The following NSD3 variants were observed in gnomAD, a reference collection of about 807,000 sequenced individuals.
NSD3 encodes histone-lysine N-methyltransferase NSD3.
NSD3 carries 24 observed loss-of-function variants against 160.8 expected under a neutral mutation model. That is an observed-to-expected ratio of 0.15 (90% CI 0.11 to 0.21). The LOEUF (loss-of-function observed/expected upper bound fraction) is 0.21, where lower values mean the gene tolerates loss of function less well. Among genes scored for constraint, NSD3 ranks in the 10% least tolerant of loss-of-function variants. The pLI is 1.00. For synonymous variants in NSD3, 520 were observed against 600.0 expected (o/e 0.87, Z 1.95); for missense variants, 1,157 against 1,735.9 (o/e 0.67, Z 5.93).
intron 16 of NSD3, among the ~76,000 whole-genome samples, chr8:38,291,599 A>T (rs1157901345): frequency 6.6e-6 from 1 of 152,260 alleles, no homozygotes; most frequent in Non-Finnish European, 1.5e-5. Context: ...TCATCTAAGA[A>T]TTGAAAACAT....
chr8:38,361,993 C>T (rs938678640), intron 1 of NSD3, among the ~76,000 whole-genome samples: 9 of 151,898 alleles, frequency 5.9e-5, no homozygotes, highest in African/African-American at 2.2e-4. Flanking sequence ...TTCTTGGCTT[C>T]TTAATATCAC....
chr8:38,369,980 C>T (rs753681218), intron 1 of NSD3, among the ~76,000 whole-genome samples: 3 of 151,960 alleles, frequency 2.0e-5, no homozygotes, highest in Non-Finnish European at 2.9e-5. Context: ...TTTTAGTAGA[C>T]ATGGGGTTTC....
rs777879948 is a variant in NSD3, at chr8:38,329,719, T to C, written c.1240A>G (p.Thr414Ala). The C allele has an allele frequency of 6.2e-7, 1 of 1,614,090 alleles. No individual in the cohort carries two copies. The highest frequency in any genetic ancestry group is 1.1e-5 in the South Asian group (1 of 91,074). The change falls in exon 6 of 24, where the codon ACC becomes GCC. Residue 414 changes from threonine (T) to alanine (A), a missense_variant. Physicochemically the swap from Thr to Ala is moderately conservative, Grantham distance 58. Coordinates refer to ENST00000317025, the MANE Select transcript of NSD3 (RefSeq NM_023034.2). This position sits in a 1 kb window ranked among gnomAD's most constrained non-coding sequence, Gnocchi z 4.8. ...GGTCGTCGGGTTTTTTTAACTTCGG[T>C]TTTGGAGGCAACACTCTTTTTTGCT... is the stretch of plus-strand genomic sequence containing the variant. Reference protein sequence around the residue: ...SQAKKSVASKTEVKKTRRPRS... With the variant: ...SQAKKSVASKAEVKKTRRPRS...
At chr8:38,370,846 G>T (rs1338522303) in intron 1 of NSD3, among the ~76,000 whole-genome samples, 1 of 152,050 alleles carries the variant, frequency 6.6e-6, no homozygotes, top group African/African-American at 2.4e-5. Context: ...TCTTTCAAGA[G>T]AACAGTTTGG....
At chr8:38,374,327 T>C (rs1811334708) in intron 1 of NSD3, among the ~76,000 whole-genome samples, 1 of 152,126 alleles carries the variant, frequency 6.6e-6, no homozygotes, top group Admixed American at 6.5e-5. Context: ...AATATGTATA[T>C]AACTTACACC....
intron 4 of NSD3, 45 bp from the exon 5 acceptor site, chr8:38,331,630 C>CACA: frequency 6.3e-7 from 1 of 1,597,080 alleles, no homozygotes; most frequent in Non-Finnish European, 8.5e-7. Context: ...CATAAGCATT[C>CACA]ACATCTACTT....
At chr8:38,306,688 A>G (rs1162163093) in intron 12 of NSD3, among the ~76,000 whole-genome samples, 1 of 152,238 alleles carries the variant, frequency 6.6e-6, no homozygotes, top group Non-Finnish European at 1.5e-5. Flanking sequence ...GAAAAAAACC[A>G]AAGCAGCCTA....
intron 1 of NSD3, among the ~76,000 whole-genome samples, chr8:38,365,034 C>T (rs1458026337): frequency 6.6e-6 from 1 of 152,188 alleles, no homozygotes; most frequent in Non-Finnish European, 1.5e-5. Flanking sequence ...CAAAAACTGA[C>T]CACGGAAATA....
At chr8:38,381,131 C>G (rs1055189654) in intron 1 of NSD3, among the ~76,000 whole-genome samples, 1 of 152,118 alleles carries the variant, frequency 6.6e-6, no homozygotes, top group African/African-American at 2.4e-5. Flanking sequence ...CCATCCCCTT[C>G]TCTTCCTCCC....
chr8:38,333,851 G>A (rs1810135563), intron 4 of NSD3, among the ~76,000 whole-genome samples: 1 of 152,010 alleles, frequency 6.6e-6, no homozygotes, highest in Non-Finnish European at 1.5e-5. Flanking sequence ...TCCGGCCTGG[G>A]CGACAGAGCG....
rs1180906808 is a variant in NSD3, at chr8:38,316,795, G to A, written c.1856-753C>T. The A allele has an allele frequency of 4.7e-6, 5 of 1,060,590 alleles. No individual in the cohort carries two copies. The highest frequency in any genetic ancestry group is 5.7e-6 in the Non-Finnish European group (5 of 876,238). The allele number at this position is 1,060,590 out of a possible 1,614,324, so 65.7% of individuals were successfully genotyped here. A position where few individuals can be genotyped will look rare whatever the true frequency, so the allele number is the denominator to read the frequency against. The stretch of plus-strand genomic sequence containing the variant: ...AAATAAATAGGAAAAAAAAGGCAGA[G>A]AATAGTGTGGAATTGTTTTTTTTAA... On this transcript the variant is annotated intron_variant, in intron 9 of 23. Coordinates refer to ENST00000317025, the MANE Select transcript of NSD3 (RefSeq NM_023034.2). This position sits in a 1 kb window ranked among gnomAD's most constrained non-coding sequence, Gnocchi z 4.5.
rs1277336275 is a variant in NSD3, at chr8:38,278,341, C to T, written c.3832G>A (p.Asp1278Asn). 6.2e-7 allele frequency: 1 copy of T among 1,614,092 alleles called. No individual in the cohort carries two copies. Among genetic ancestry groups the T allele is most frequent in the South Asian group, 1.1e-5 (1 of 91,052 alleles). ...ACTCCTAGAAAACCACTGCAGTTAT[C>T]TGCTCCACAGTGGCACTCCGTTCTG... The part of the protein sequence containing the change: ...NGRTECHCGA[D>N]NCSGFLGVRP... Residue 1278 changes from aspartate (D) to asparagine (N), a missense_variant, in exon 22 of 24, where the codon GAT becomes AAT. Physicochemically the swap from Asp to Asn is conservative, Grantham distance 23. This residue lies in a region of NSD3 where 222 missense variants were observed against 409.9 expected (regional missense o/e 0.54). Coordinates refer to ENST00000317025, the MANE Select transcript of NSD3 (RefSeq NM_023034.2).
rs750967878 is a variant in NSD3 at position 38,288,012 on chromosome 8, T to C, written c.3501+475A>G. Among the ~76,000 whole-genome samples the C allele has an allele frequency of 1.3e-5, 2 of 151,938 alleles. No individual in the cohort carries two copies. Among genetic ancestry groups the C allele is most frequent in the South Asian group, 2.1e-4 (1 of 4,828 alleles). On this transcript the variant is annotated intron_variant, in intron 19 of 23. Coordinates refer to ENST00000317025, the MANE Select transcript of NSD3 (RefSeq NM_023034.2). The surrounding 1 kb of genome is among the most constrained non-coding windows in gnomAD (Gnocchi z 4.5). The stretch of plus-strand genomic sequence containing the variant: ...ACTGTGGGAGGCCAAGGCAGGAGAA[T>C]TGCTTGAGTCCAGGAGTTTGAGACC...
chr8:38,288,074 C>A lies in NSD3; in HGVS notation c.3501+413G>T, dbSNP rs548941453. Reference sequence around the variant, plus strand: ...TGTAGTGAGACCCTATCCAGCTACTCGGGAGGCTGAAGTGGGAGGATCTCT... The same window carrying A: ...TGTAGTGAGACCCTATCCAGCTACTAGGGAGGCTGAAGTGGGAGGATCTCT... On this transcript the variant is annotated intron_variant, in intron 19 of 23. Transcript: ENST00000317025. This position sits in a 1 kb window ranked among gnomAD's most constrained non-coding sequence, Gnocchi z 4.5. 6.6e-6 allele frequency among the ~76,000 whole-genome samples: 1 copy of A among 151,894 alleles called. No homozygotes were observed. The highest frequency in any genetic ancestry group is 1.5e-5 in the Non-Finnish European group (1 of 67,974).
chr8:38,340,372 C>T (rs1810332339), intron 2 of NSD3, among the ~76,000 whole-genome samples: 1 of 152,116 alleles, frequency 6.6e-6, no homozygotes, highest in African/African-American at 2.4e-5. Context: ...TCTTACTCTG[C>T]TGTTGCCTAG....
At chr8:38,301,938 T>C (rs1212773942) in intron 14 of NSD3, among the ~76,000 whole-genome samples, 2 of 152,208 alleles carry the variant, frequency 1.3e-5, no homozygotes, top group Non-Finnish European at 2.9e-5. Context: ...GCATAGAATG[T>C]TAAGTAACTT....
intron 2 of NSD3, among the ~76,000 whole-genome samples, chr8:38,345,976 T>C (rs1810513258): frequency 6.6e-6 from 1 of 151,990 alleles, no homozygotes; most frequent in South Asian, 2.1e-4. Context: ...ACTGAAGGTT[T>C]AGGTGATATA....
chr8:38,281,630 A>T, intron 19 of NSD3, 47 bp from the exon 20 acceptor site: 10 of 1,303,012 alleles, frequency 7.7e-6, no homozygotes, highest in Non-Finnish European at 9.8e-6. Context: ...TGTATTATAT[A>T]AAGCATTGCT....
intron 3 of NSD3, among the ~76,000 whole-genome samples, chr8:38,338,227 G>T (rs1334740613): frequency 6.6e-6 from 1 of 151,430 alleles, no homozygotes; most frequent in Non-Finnish European, 1.5e-5. Context: ...TTGAACCCAG[G>T]AGGCAGAGGT....
Sources: gnomAD v4.1 joint callset for allele counts (sites outside exome capture counted in the v4.1 genomes callset) on GRCh38, gnomAD v4.1.1 for gene constraint, gnomAD v4.1.1 regional missense constraint, Gnocchi (gnomAD v3.1) non-coding constraint, MANE v1.5 for transcripts, NCBI Gene and HGNC (gene_info 2026-07-23, HGNC 2026-07-21) for gene names.